Variants in LRRC37A2 observed in about 807,000 individuals in gnomAD.
The protein encoded by LRRC37A2 is leucine-rich repeat-containing protein 37A2.
A neutral mutation model predicts 68.8 loss-of-function variants in LRRC37A2; 9 were observed. The ratio of observed to expected loss-of-function variants is 0.13; its 90% CI spans 0.08 to 0.23. The LOEUF (loss-of-function observed/expected upper bound fraction) is 0.23, where lower values mean the gene tolerates loss of function less well. LRRC37A2 is among the 10% of genes least tolerant of loss of function. LRRC37A2 has a pLI of 1.00. For missense variants in LRRC37A2, 168 were observed against 950.4 expected (o/e 0.18, Z 10.82); for synonymous variants, 63 against 367.6 (o/e 0.17, Z 9.48).
chr17:46,900,879 G>C, the LRRC37A2 span, among the ~76,000 whole-genome samples: 22 of 152,316 alleles, frequency 1.4e-4, no homozygotes, highest in Non-Finnish European at 2.5e-4. Flanking sequence ...ATAAAACAAA[G>C]TGGGGATCAA....
the LRRC37A2 span, among the ~76,000 whole-genome samples, chr17:46,792,793 T>C: frequency 6.6e-6 from 1 of 152,204 alleles, no homozygotes; most frequent in African/African-American, 2.4e-5. Flanking sequence ...TTAATAATAA[T>C]AGTTAACATT....
At chr17:46,609,827 CTTT>C in the LRRC37A2 span, among the ~76,000 whole-genome samples, 6 of 123,304 alleles carry the variant, frequency 4.9e-5, no homozygotes, top group Admixed American at 1.7e-4. Context: ...CTCACTGTTT[CTTT>C]TTTTTTTTTT....
chr17:46,803,174 A>G, the LRRC37A2 span, among the ~76,000 whole-genome samples: 1 of 152,246 alleles, frequency 6.6e-6, no homozygotes, highest in Non-Finnish European at 1.5e-5. Context: ...AGTCTTCTGT[A>G]CCAATTATTG....
downstream of LRRC37A2, among the ~76,000 whole-genome samples, chr17:46,558,376 GT>G (rs1220226031): frequency 2.8e-5 from 3 of 106,844 alleles, no homozygotes; most frequent in Non-Finnish European, 5.5e-5. Context: ...GGGTTTTGGG[GT>G]TTTTTTTGTG....
the LRRC37A2 span, among the ~76,000 whole-genome samples, chr17:46,722,526 T>G: frequency 2.0e-5 from 3 of 152,166 alleles, no homozygotes; most frequent in African/African-American, 7.2e-5. Flanking sequence ...GCTTCCCGGC[T>G]TAGTATGTAA....
chr17:46,384,151 CTG>C, the LRRC37A2 span, among the ~76,000 whole-genome samples: 4 of 70,856 alleles, frequency 5.6e-5, no homozygotes, highest in East Asian at 1.1e-3. Context: ...ATCAATAACA[CTG>C]TTTTAATTGC....
At chr17:46,737,891 T>C in the LRRC37A2 span, among the ~76,000 whole-genome samples, 2 of 151,250 alleles carry the variant, frequency 1.3e-5, no homozygotes, top group African/African-American at 4.9e-5. Flanking sequence ...GAAGGATTTA[T>C]GTATGCTAAA....
At chr17:47,043,423 C>T in the LRRC37A2 span, among the ~76,000 whole-genome samples, 9 of 149,892 alleles carry the variant, frequency 6.0e-5, no homozygotes, top group Admixed American at 4.7e-4. Context: ...TGCTTGAACC[C>T]GGGAGGCGGA....
At chr17:46,964,985 A>T in the LRRC37A2 span, 1 of 152,240 alleles carries the variant, frequency 6.6e-6, no homozygotes. Flanking sequence ...TTACCATGGC[A>T]ACCTCATTCC....
At chr17:46,772,453 T>C in the LRRC37A2 span, among the ~76,000 whole-genome samples, 2 of 152,286 alleles carry the variant, frequency 1.3e-5, no homozygotes, top group African/African-American at 4.8e-5. Context: ...AGACGCAGGG[T>C]TGTTTGATTC....
chr17:46,970,548 A>C, the LRRC37A2 span, among the ~76,000 whole-genome samples: 15 of 151,630 alleles, frequency 9.9e-5, no homozygotes, highest in African/African-American at 3.1e-4. Context: ...AAAAAAAAAA[A>C]AAAAAAAAAA....
the LRRC37A2 span, among the ~76,000 whole-genome samples, chr17:46,732,289 G>T: frequency 6.6e-6 from 1 of 152,034 alleles, no homozygotes; most frequent in African/African-American, 2.4e-5. Context: ...TCAAATAAAA[G>T]AATCCCTTCA....
At chr17:46,853,159 C>T in the LRRC37A2 span, among the ~76,000 whole-genome samples, 3 of 152,140 alleles carry the variant, frequency 2.0e-5, no homozygotes, top group African/African-American at 7.2e-5. Flanking sequence ...GTCATCATCA[C>T]TAGGGCACAG....
chr17:46,500,881 T>C, the LRRC37A2 span, among the ~76,000 whole-genome samples: 1 of 150,988 alleles, frequency 6.6e-6, no homozygotes, highest in Non-Finnish European at 1.5e-5. Context: ...TGGGAATTGT[T>C]AGAAATGCAA....
chr17:46,778,533 C>A, the LRRC37A2 span, among the ~76,000 whole-genome samples: 1 of 152,020 alleles, frequency 6.6e-6, no homozygotes, highest in African/African-American at 2.4e-5. Context: ...GCCACCCCCA[C>A]CCTGAGCCTC....
the LRRC37A2 span, among the ~76,000 whole-genome samples, chr17:46,945,098 A>T: frequency 1.3e-5 from 2 of 152,206 alleles, no homozygotes; most frequent in African/African-American, 4.8e-5. Flanking sequence ...GCTTTCTGTG[A>T]GAGGGCGAGG....
chr17:46,935,365 G>A, the LRRC37A2 span: 20 of 1,449,978 alleles, frequency 1.4e-5, no homozygotes, highest in Non-Finnish European at 1.8e-5. Flanking sequence ...TCCTTTGCCA[G>A]TGCTTGAAAC....
At chr17:46,908,959 G>C in the LRRC37A2 span, among the ~76,000 whole-genome samples, 1 of 152,222 alleles carries the variant, frequency 6.6e-6, no homozygotes, top group South Asian at 2.1e-4. Flanking sequence ...GGCTGGGAGA[G>C]GTGGGTCTGG....
the LRRC37A2 span, chr17:46,818,458 C>G: frequency 3.6e-5 from 55 of 1,543,454 alleles, no homozygotes; most frequent in East Asian, 1.3e-3. Context: ...GCCGGCGCCC[C>G]CACCTTCCCC....
Sources: gnomAD v4.1 joint callset for allele counts (sites outside exome capture counted in the v4.1 genomes callset) on GRCh38, gnomAD v4.1.1 for gene constraint, MANE v1.5 for transcripts, NCBI Gene and HGNC (gene_info 2026-07-23, HGNC 2026-07-21) for gene names.